Variants in PCDHGA4 observed in about 807,000 individuals in gnomAD.
PCDHGA4 encodes the protein protocadherin gamma subfamily A, 4.
Under a neutral mutation model 54.6 loss-of-function variants are expected in PCDHGA4, and 38 were observed. The observed-to-expected ratio is 0.70, with a 90% CI of 0.54 to 0.91. The LOEUF (loss-of-function observed/expected upper bound fraction) is 0.91. PCDHGA4 is among the 40% of genes least tolerant of loss of function. The pLI, the probability that PCDHGA4 is intolerant of heterozygous loss-of-function variation, is 0.00. For synonymous variants in PCDHGA4, 511 were observed against 512.9 expected (o/e 1.00, Z 0.05); for missense variants, 1,298 against 1,220.9 (o/e 1.06, Z -0.94).
Position 141,432,110 on chromosome 5 carries a change from G to A in PCDHGA4, c.2515-62697G>A. On this transcript the variant is annotated intron_variant, in intron 1 of 3. Coordinates refer to ENST00000571252, the MANE Select transcript of PCDHGA4 (RefSeq NM_018917.4). This position sits in a 1 kb window ranked among gnomAD's most constrained non-coding sequence, Gnocchi z 6.0. ...GGCAGACACCAACGACAACCCGCCG[G>A]TCTTCCCTCAGGCCTCCTATTCCGC... 6.2e-7 allele frequency: 1 copy of A among 1,614,108 alleles called. No individual in the cohort carries two copies. Among genetic ancestry groups the A allele is most frequent in the Non-Finnish European group, 8.5e-7 (1 of 1,180,036 alleles).
chr5:141,493,330 A>G lies in PCDHGA4; in HGVS notation c.2515-1477A>G, dbSNP rs979607147. 6.6e-6 allele frequency among the ~76,000 whole-genome samples: 1 copy of G among 152,182 alleles called. No homozygotes were observed. Among genetic ancestry groups the G allele is most frequent in the Non-Finnish European group, 1.5e-5 (1 of 68,020 alleles). On this transcript the variant is annotated intron_variant, in intron 1 of 3. Coordinates refer to ENST00000571252, the MANE Select transcript of PCDHGA4 (RefSeq NM_018917.4). The surrounding 1 kb of genome is among the most constrained non-coding windows in gnomAD (Gnocchi z 4.3). ...GTAAGAGAGATTCTAACCCCTGTCT[A>G]ACTCCAGAATGTGTGCTTTTAATTT... is the stretch of plus-strand genomic sequence containing the variant.
chr5:141,370,833 C>G (rs1305609320), intron 1 of PCDHGA4: 2 of 1,614,064 alleles, frequency 1.2e-6, no homozygotes. Context: ...CGAACTGGCT[C>G]TCACTGGAGC....
intron 1 of PCDHGA4, chr5:141,405,510 C>T: frequency 1.4e-6 from 1 of 732,922 alleles, no homozygotes; most frequent in Non-Finnish European, 2.2e-6. Context: ...ACCTCCGCCT[C>T]CCAAATTCAA....
At chr5:141,494,181 C>T (rs2099752517) in intron 1 of PCDHGA4, among the ~76,000 whole-genome samples, 1 of 152,136 alleles carries the variant, frequency 6.6e-6, no homozygotes, top group Non-Finnish European at 1.5e-5. Flanking sequence ...GAGAAGTGTC[C>T]CGGGACTTGG....
rs139608956 is a variant in PCDHGA4, at chr5:141,510,637, A to G, written c.2663-310A>G. Among the ~76,000 whole-genome samples, 4 of 152,242 alleles carry G rather than the reference A, an allele frequency of 2.6e-5. No individual in the cohort carries two copies. The East Asian group carries it at 7.7e-4, about 29-fold the overall frequency. ...ACTAAAACCAGAAGAGGTGGTTACC[A>G]TTATCATCCCCATTTTGCAGATGAG... On this transcript the variant is annotated intron_variant, in intron 3 of 3. Transcript: ENST00000571252.
intron 1 of PCDHGA4, among the ~76,000 whole-genome samples, chr5:141,450,485 TTGTC>T (rs1466269978): frequency 1.3e-5 from 2 of 152,158 alleles, no homozygotes; most frequent in African/African-American, 2.4e-5. Flanking sequence ...GTTTGTTTGT[TTGTC>T]TGTTTGTTTG....
intron 1 of PCDHGA4, among the ~76,000 whole-genome samples, chr5:141,461,733 C>G (rs930217307): frequency 2.0e-5 from 3 of 152,168 alleles, no homozygotes; most frequent in African/African-American, 2.4e-5. Context: ...TGCAGTGGCA[C>G]AATCCCGGCT....
Position 141,491,498 on chromosome 5 carries a change from C to G in PCDHGA4, c.2515-3309C>G. Reference sequence around the variant, plus strand: ...TCCAGCCCCAACCTGCAGGTGAGCTCGGACGGCACGCTCAAGTACATGGAG... The same window carrying G: ...TCCAGCCCCAACCTGCAGGTGAGCTGGGACGGCACGCTCAAGTACATGGAG... On this transcript the variant is annotated intron_variant, in intron 1 of 3. Transcript: ENST00000571252. The surrounding 1 kb of genome is among the most constrained non-coding windows in gnomAD (Gnocchi z 6.9). The G allele has an allele frequency of 6.2e-7, 1 of 1,614,102 alleles. No homozygotes were observed. Among genetic ancestry groups the G allele is most frequent in the Non-Finnish European group, 8.5e-7 (1 of 1,180,018 alleles).
chr5:141,393,434 T>C (rs1554093883), intron 1 of PCDHGA4: 5 of 1,613,902 alleles, frequency 3.1e-6, no homozygotes, highest in South Asian at 1.1e-5. Flanking sequence ...AAGAGGCTGC[T>C]CACCACCTGG....
intron 1 of PCDHGA4, chr5:141,416,864 G>C (rs2096066198): frequency 6.6e-6 from 1 of 151,862 alleles, no homozygotes; most frequent in Admixed American, 6.6e-5. Flanking sequence ...TTTCAGGTCA[G>C]TCAACATTTG....
rs548823035 is a variant in PCDHGA4 at position 141,499,447 on chromosome 5, C to T, written c.2573+4582C>T. ...AGAAAAAAAATTAAAAGGAAAACCA[C>T]CCATCATTTTACAATCTAGGGAGAA... On this transcript the variant is annotated intron_variant, in intron 2 of 3. Transcript: ENST00000571252. Among the ~76,000 whole-genome samples the T allele has an allele frequency of 3.8e-4, 58 of 152,250 alleles. 1 individual carries two copies. In the East Asian group the frequency reaches 9.1e-3, roughly 24 times the overall value.
chr5:141,414,642 C>A (rs547014431), intron 1 of PCDHGA4: 1 of 1,613,962 alleles, frequency 6.2e-7, no homozygotes, highest in Admixed American at 1.7e-5. Context: ...AAGAGAATGC[C>A]CAGATTATTT....
rs201855847 is a variant in PCDHGA4 at position 141,355,838 on chromosome 5, C to A, written c.731C>A (p.Thr244Lys). 326 of 1,611,996 alleles carry A rather than the reference C, an allele frequency of 2.0e-4. No individual in the cohort carries two copies. The highest frequency in any genetic ancestry group is 3.5e-4 in the Admixed American group (21 of 59,702). The change falls in exon 1 of 4, where the codon ACG becomes AAG. Residue 244 changes from threonine to lysine, a missense_variant. Transcript: ENST00000571252. ...GAGGCGGTTCACCACCTCGTTCTCA[C>A]GGCCTTCGATGGAGGTGACCCGGTT... ...EEEAVHHLVL[T>K]AFDGGDPVRS... is the part of the protein sequence containing the mutation.
rs986276637 is a variant in PCDHGA4, at chr5:141,487,728, C to A, written c.2515-7079C>A. The A allele has an allele frequency of 3.2e-6, 5 of 1,570,444 alleles. No individual in the cohort carries two copies. The highest frequency in any genetic ancestry group is 2.3e-5 in the East Asian group (1 of 42,866). On this transcript the variant is annotated intron_variant, in intron 1 of 3. Transcript: ENST00000571252. The surrounding 1 kb of genome is among the most constrained non-coding windows in gnomAD (Gnocchi z 5.0). ...TCAGTAAGTGCCCATAGTGATGTCACCATTTTTGTAAGAGGTAACTATGTG... is the reference window on the plus strand; with the variant it reads ...TCAGTAAGTGCCCATAGTGATGTCAACATTTTTGTAAGAGGTAACTATGTG...
chr5:141,447,360 A>G (rs1471046883), intron 1 of PCDHGA4, among the ~76,000 whole-genome samples: 1 of 151,914 alleles, frequency 6.6e-6, no homozygotes, highest in Non-Finnish European at 1.5e-5. Context: ...GCTGGTCTCA[A>G]ACTCCTGACC....
At position 141,402,836 on chromosome 5, in the gene PCDHGA4, A is replaced by G. The variant is rs115293033; in HGVS notation, c.2514+45215A>G. 4.8e-4 allele frequency: 668 copies of G among 1,379,778 alleles called. 2 individuals are homozygous for G. The African/African-American group carries it at 8.5e-3, about 18-fold the overall frequency. 85.5% of individuals were successfully genotyped at this position (1,379,778 alleles called of 1,614,324 possible). On this transcript the variant is annotated intron_variant, in intron 1 of 3. Coordinates refer to ENST00000571252, the MANE Select transcript of PCDHGA4 (RefSeq NM_018917.4). ...ACAAACCTGCTCCCAGGCTGCAGCA[A>G]AACTCAGCCTCTTTCTTCTAAGGAA...
At chr5:141,415,479 A>G (rs750765604) in intron 1 of PCDHGA4, 19 of 1,613,988 alleles carry the variant, frequency 1.2e-5, no homozygotes, top group South Asian at 2.2e-5. Flanking sequence ...CGGACTCGCG[A>G]AAGAGTCACC....
chr5:141,485,586 TG>T lies in PCDHGA4; in HGVS notation c.2515-9219del. The T allele has an allele frequency of 6.2e-7, 1 of 1,612,402 alleles. No homozygotes were observed. Among genetic ancestry groups the T allele is most frequent in the Non-Finnish European group, 8.5e-7 (1 of 1,178,600 alleles). Reference sequence around the variant, plus strand: ...GCCCCCCGTTTTCCGCGGCAGCAGCTGGACTTGGAAATTGGGGAGGCAGCTC... The same window carrying T: ...GCCCCCCGTTTTCCGCGGCAGCAGCTGACTTGGAAATTGGGGAGGCAGCTC... On this transcript the variant is annotated intron_variant, in intron 1 of 3. Coordinates refer to ENST00000571252, the MANE Select transcript of PCDHGA4 (RefSeq NM_018917.4). The surrounding 1 kb of genome is among the most constrained non-coding windows in gnomAD (Gnocchi z 5.7).
intron 1 of PCDHGA4, chr5:141,399,316 T>C (rs1281033457): frequency 6.2e-7 from 1 of 1,613,772 alleles, no homozygotes; most frequent in Non-Finnish European, 8.5e-7. Flanking sequence ...ATCCAAAAAT[T>C]CGTATAAGTT....
Sources: gnomAD v4.1 joint callset for allele counts (sites outside exome capture counted in the v4.1 genomes callset) on GRCh38, gnomAD v4.1.1 for gene constraint, Gnocchi (gnomAD v3.1) non-coding constraint, MANE v1.5 for transcripts, NCBI Gene and HGNC (gene_info 2026-07-23, HGNC 2026-07-21) for gene names.